Variants in TMPRSS15 observed in about 807,000 individuals in gnomAD.
TMPRSS15 encodes transmembrane serine protease 15, also known as enteropeptidase.
A neutral mutation model predicts 125.3 loss-of-function variants in TMPRSS15; 128 were observed. That is an observed-to-expected ratio of 1.02 (90% CI 0.89 to 1.18). The LOEUF is 1.18. Ranked by LOEUF, TMPRSS15 falls within the 50% of genes most tolerant of loss-of-function variation. The pLI, the probability that TMPRSS15 is intolerant of heterozygous loss-of-function variation, is 0.00. For missense variants in TMPRSS15, 1,283 were observed against 1,212.7 expected (o/e 1.06, Z -0.86); for synonymous variants, 446 against 423.2 (o/e 1.05, Z -0.66).
At chr21:18,378,659 C>T (rs1380368702) in intron 5 of TMPRSS15, among the ~76,000 whole-genome samples, 1 of 151,952 alleles carries the variant, frequency 6.6e-6, no homozygotes, top group Non-Finnish European at 1.5e-5. Flanking sequence ...ATTGAATTTA[C>T]TTAAAGGGAT....
At chr21:18,330,934 C>G (rs993477909) in intron 14 of TMPRSS15, among the ~76,000 whole-genome samples, 3 of 151,298 alleles carry the variant, frequency 2.0e-5, no homozygotes, top group East Asian at 2.0e-4. Flanking sequence ...TTAGCGGGGC[C>G]TGGTGGCGGG....
chr21:18,300,437 G>C (rs1324740884), intron 18 of TMPRSS15, among the ~76,000 whole-genome samples: 1 of 151,328 alleles, frequency 6.6e-6, no homozygotes, highest in Non-Finnish European at 1.5e-5. Flanking sequence ...TGCCTCCCAG[G>C]TTTAAGTGAT....
chr21:18,402,514 C>A (rs993715321), intron 1 of TMPRSS15, among the ~76,000 whole-genome samples: 15 of 112,052 alleles, frequency 1.3e-4, no homozygotes, highest in Admixed American at 2.7e-4. Context: ...GGCGACAGAG[C>A]GAGACTCTAT....
intron 19 of TMPRSS15, 57 bp downstream of exon 19, chr21:18,297,677 A>G (rs543171686): frequency 8.2e-6 from 11 of 1,335,672 alleles, no homozygotes; most frequent in Admixed American, 3.4e-5. Flanking sequence ...GGCTTCAACA[A>G]TCTATCTTCT....
chr21:18,297,681 A>T (rs1470439513), intron 19 of TMPRSS15, 53 bp downstream of exon 19: 1 of 1,360,402 alleles, frequency 7.4e-7, no homozygotes, highest in Non-Finnish European at 1.1e-6. Context: ...TCAACAATCT[A>T]TCTTCTGCCA....
intron 6 of TMPRSS15, among the ~76,000 whole-genome samples, chr21:18,368,071 C>A (rs911492686): frequency 6.6e-6 from 1 of 152,030 alleles, no homozygotes; most frequent in African/African-American, 2.4e-5. Context: ...CAATAATATT[C>A]CAGAACAAAT....
At chr21:18,449,492 T>G (rs993035602) in intron 1 of TMPRSS15, among the ~76,000 whole-genome samples, 7 of 152,186 alleles carry the variant, frequency 4.6e-5, no homozygotes, top group African/African-American at 1.7e-4. Flanking sequence ...CATTCCTGAG[T>G]TTAATATCCA....
chr21:18,283,694 T>A (rs950739137), intron 21 of TMPRSS15, among the ~76,000 whole-genome samples: 4 of 152,160 alleles, frequency 2.6e-5, no homozygotes, highest in African/African-American at 9.7e-5. Flanking sequence ...GTTTTATACA[T>A]ATTTTATCTT....
intron 1 of TMPRSS15, among the ~76,000 whole-genome samples, chr21:18,476,052 C>T (rs1978874256): frequency 6.6e-6 from 1 of 151,938 alleles, no homozygotes; most frequent in Non-Finnish European, 1.5e-5. Flanking sequence ...TACTGTGTTC[C>T]AAGAGCCAAA....
At chr21:18,302,711 T>G (rs938117923) in intron 18 of TMPRSS15, among the ~76,000 whole-genome samples, 2 of 152,224 alleles carry the variant, frequency 1.3e-5, no homozygotes, top group African/African-American at 2.4e-5. Flanking sequence ...TTCTCTGTTA[T>G]CTTACAGATG....
Position 18,269,948 on chromosome 21 carries a change from C to CTGTT in TMPRSS15, c.*17_*20dup. The CTGTT allele has an allele frequency of 6.2e-7, 1 of 1,613,064 alleles. No individual in the cohort carries two copies. The highest frequency in any genetic ancestry group is 2.2e-5 in the East Asian group (1 of 44,820). ...AGAATGGGAAAATAATGCGACTTTC[C>CTGTT]TGTTTAGTTTAAGAAATGCGCTAAT... On this transcript the variant is annotated 3_prime_UTR_variant, in exon 25 of 25. Transcript: ENST00000284885.
intron 3 of TMPRSS15, among the ~76,000 whole-genome samples, chr21:18,388,721 C>T (rs935153305): frequency 2.0e-5 from 3 of 152,266 alleles, no homozygotes; most frequent in African/African-American, 2.4e-5. Flanking sequence ...AAGAGAAATT[C>T]GTTTCATTCA....
At chr21:18,289,160 A>C (rs995159483) in intron 21 of TMPRSS15, among the ~76,000 whole-genome samples, 1 of 152,144 alleles carries the variant, frequency 6.6e-6, no homozygotes, top group Admixed American at 6.6e-5. Flanking sequence ...TTAACTGTTT[A>C]AAAAGTTGAT....
At chr21:18,483,632 TATACATA>T (rs1370357523) in intron 1 of TMPRSS15, among the ~76,000 whole-genome samples, 1 of 151,948 alleles carries the variant, frequency 6.6e-6, no homozygotes, top group Non-Finnish European at 1.5e-5. Flanking sequence ...TTCATAGCTG[TATACATA>T]ATAAGAATAC....
At chr21:18,475,011 T>C (rs776968713) in intron 1 of TMPRSS15, among the ~76,000 whole-genome samples, 1 of 152,154 alleles carries the variant, frequency 6.6e-6, no homozygotes, top group East Asian at 1.9e-4. Flanking sequence ...GACCATAATA[T>C]AGAGTGCCCC....
intron 13 of TMPRSS15, 60 bp downstream of exon 13, chr21:18,341,353 G>A (rs537221330): frequency 8.1e-6 from 13 of 1,604,772 alleles, no homozygotes; most frequent in South Asian, 2.2e-5. Context: ...TTATAGCTGT[G>A]AGCCTCCACA....
intron 1 of TMPRSS15, among the ~76,000 whole-genome samples, chr21:18,399,456 C>G (rs1411766387): frequency 6.6e-6 from 1 of 151,962 alleles, no homozygotes; most frequent in Non-Finnish European, 1.5e-5. Flanking sequence ...ATTTTAAATA[C>G]TCAAAATTAC....
At chr21:18,411,301 T>TTGACAC (rs1231412428) in intron 1 of TMPRSS15, among the ~76,000 whole-genome samples, 2 of 152,274 alleles carry the variant, frequency 1.3e-5, no homozygotes, top group Admixed American at 1.3e-4. Flanking sequence ...TATATAAGGA[T>TTGACAC]TGACACTTAC....
chr21:18,292,334 G>C (rs1032144495), intron 21 of TMPRSS15, among the ~76,000 whole-genome samples: 1 of 152,138 alleles, frequency 6.6e-6, no homozygotes, highest in Non-Finnish European at 1.5e-5. Context: ...TTCAATAAAC[G>C]ATCTTTTTGC....
Sources: gnomAD v4.1 joint callset for allele counts (sites outside exome capture counted in the v4.1 genomes callset) on GRCh38, gnomAD v4.1.1 for gene constraint, MANE v1.5 for transcripts, NCBI Gene and HGNC (gene_info 2026-07-23, HGNC 2026-07-21) for gene names.